Variants in ZNF558 observed in about 807,000 individuals in gnomAD.
The protein encoded by ZNF558 is zinc finger protein 558.
ZNF558 carries 23 observed loss-of-function variants against 37.6 expected under a neutral mutation model. The ratio of observed to expected loss-of-function variants is 0.61; its 90% CI spans 0.44 to 0.87. The LOEUF (loss-of-function observed/expected upper bound fraction) is 0.87, where lower values mean the gene tolerates loss of function less well. ZNF558 is among the 40% of genes least tolerant of loss of function. ZNF558 has a pLI of 0.00. For missense variants in ZNF558, 429 were observed against 483.7 expected (o/e 0.89, Z 1.06); for synonymous variants, 189 against 174.4 (o/e 1.08, Z -0.66).
chr19:8,823,458 A>AC (rs2044152413), intron 4 of ZNF558, among the ~76,000 whole-genome samples: 1 of 55,320 alleles, frequency 1.8e-5, no homozygotes, highest in Admixed American at 2.5e-4. Flanking sequence ...TGCCTCGGTC[A>AC]CCCCCCTCCT....
At chr19:8,821,566 G>T in intron 6 of ZNF558, 1 of 1,405,730 alleles carries the variant, frequency 7.1e-7, no homozygotes, top group Non-Finnish European at 9.2e-7. Context: ...CAGGTCCAGT[G>T]CACAGTACCA....
upstream of ZNF558, among the ~76,000 whole-genome samples, chr19:8,834,604 C>CAA (rs34714268): frequency 2.3e-5 from 2 of 88,532 alleles, no homozygotes; most frequent in Non-Finnish European, 4.5e-5. Context: ...GAGACTCCAT[C>CAA]AAAAAAAAAA....
intron 2 of ZNF558, among the ~76,000 whole-genome samples, chr19:8,829,154 C>T (rs1490367752): frequency 6.6e-6 from 1 of 151,298 alleles, no homozygotes; most frequent in South Asian, 2.1e-4. Flanking sequence ...CCCAGCTACT[C>T]AGGAGGCTGC....
At chr19:8,831,220 A>G (rs2972586) in intron 2 of ZNF558, 98 bp downstream of exon 2, 134,913 of 152,130 alleles carry the variant, frequency 0.89, 59,861 homozygotes, top group Middle Eastern at 0.94. Context: ...TAGTGACTTC[A>G]ATGTGGTTAC....
chr19:8,806,922 T>C lies in ZNF558; in HGVS notation c.*4359A>G, dbSNP rs562217954. Reference sequence around the variant, plus strand: ...TGCTGCTTTGAAAGCAATGTGTCCTTCTTCTTTGGTTGTTTGGTAGATTTG... The same window carrying C: ...TGCTGCTTTGAAAGCAATGTGTCCTCCTTCTTTGGTTGTTTGGTAGATTTG... On this transcript the variant is annotated 3_prime_UTR_variant, in exon 10 of 10. Transcript: ENST00000601372. 6 of 152,310 alleles carry C rather than the reference T, an allele frequency of 3.9e-5. No homozygotes were observed. The South Asian group carries it at 6.2e-4, about 16-fold the overall frequency. 9.4% of individuals were successfully genotyped at this position (152,310 alleles called of 1,614,324 possible). A position where few individuals can be genotyped will look rare whatever the true frequency, so the allele number is the denominator to read the frequency against.
rs1354473068 is a variant in ZNF558, at chr19:8,808,732, C to T, written c.*2549G>A. The T allele has an allele frequency of 1.3e-5, 2 of 152,122 alleles. No individual in the cohort carries two copies. The highest frequency in any genetic ancestry group is 3.8e-4 in the East Asian group (2 of 5,200). 9.4% of individuals were successfully genotyped at this position (152,122 alleles called of 1,614,324 possible). On this transcript the variant is annotated 3_prime_UTR_variant, in exon 10 of 10. Coordinates refer to ENST00000601372, the MANE Select transcript of ZNF558 (RefSeq NM_144693.3). ...AACAGAACACCACCTCAAAAACAAACAACAGATCATGTTGGCTTCAATCAG... is the reference window on the plus strand; with the variant it reads ...AACAGAACACCACCTCAAAAACAAATAACAGATCATGTTGGCTTCAATCAG...
At chr19:8,837,926 G>C in the ZNF558 span, among the ~76,000 whole-genome samples, 1 of 152,050 alleles carries the variant, frequency 6.6e-6, no homozygotes, top group Non-Finnish European at 1.5e-5. Flanking sequence ...ATACACAGGA[G>C]ACAGCAAGGC....
At chr19:8,835,439 A>G (rs545702836), upstream of ZNF558, among the ~76,000 whole-genome samples, 14 of 152,330 alleles carry the variant, frequency 9.2e-5, no homozygotes, top group Middle Eastern at 3.4e-3. Context: ...GCTCGGCCCC[A>G]TTAATCATTA....
At chr19:8,825,219 G>A (rs540983442) in intron 2 of ZNF558, 111 bp from the exon 3 acceptor site, 3 of 152,348 alleles carry the variant, frequency 2.0e-5, no homozygotes, top group South Asian at 2.1e-4. Context: ...TGAAAGACAC[G>A]TGTAAGATGA....
At chr19:8,837,525 T>A in the ZNF558 span, among the ~76,000 whole-genome samples, 1 of 152,158 alleles carries the variant, frequency 6.6e-6, no homozygotes, top group Admixed American at 6.6e-5. Context: ...CGACAACCAC[T>A]TAATGCCTGG....
rs2044379300 is a variant in ZNF558 at position 8,832,227 on chromosome 19, C to A, written c.-611G>T. On this transcript the variant is annotated 5_prime_UTR_variant, in exon 1 of 10. Coordinates refer to ENST00000601372, the MANE Select transcript of ZNF558 (RefSeq NM_144693.3). ...CGCTCACCGAGCCCGGCCCCTCCCG[C>A]GGGGCCAAAAGCGCCGACTCGCGGG... is the stretch of plus-strand genomic sequence containing the variant. 3.3e-5 allele frequency: 5 copies of A among 152,208 alleles called. No homozygotes were observed. Among genetic ancestry groups the A allele is most frequent in the African/African-American group, 1.2e-4 (5 of 41,464 alleles). The allele number at this position is 152,208 out of a possible 1,614,324, so 9.4% of individuals were successfully genotyped here.
At chr19:8,834,146 G>GA (rs1196219195), upstream of ZNF558, among the ~76,000 whole-genome samples, 1 of 152,120 alleles carries the variant, frequency 6.6e-6, no homozygotes, top group Non-Finnish European at 1.5e-5. Context: ...CGTCCTTTCA[G>GA]AAAAAAATAG....
At chr19:8,825,348 T>C (rs911487242) in intron 2 of ZNF558, among the ~76,000 whole-genome samples, 2 of 152,146 alleles carry the variant, frequency 1.3e-5, no homozygotes, top group African/African-American at 4.8e-5. Flanking sequence ...GTGATTGCGG[T>C]TTTTGCCATT....
At chr19:8,816,700 T>C (rs2043947735) in intron 7 of ZNF558, among the ~76,000 whole-genome samples, 1 of 152,166 alleles carries the variant, frequency 6.6e-6, no homozygotes, top group Non-Finnish European at 1.5e-5. Context: ...GAGAGTAACT[T>C]GAATCCACAG....
In ZNF558 at chr19:8,809,054, AAGGCGTGAGCCACCACACCC is replaced by A. The variant is rs1218538999; in HGVS notation, c.*2207_*2226del. The A allele has an allele frequency of 6.6e-6, 1 of 152,172 alleles. No homozygotes were observed. Among genetic ancestry groups the A allele is most frequent in the Non-Finnish European group, 1.5e-5 (1 of 68,100 alleles). The allele number at this position is 152,172 out of a possible 1,614,324, so 9.4% of individuals were successfully genotyped here. A position where few individuals can be genotyped will look rare whatever the true frequency, so the allele number is the denominator to read the frequency against. On this transcript the variant is annotated 3_prime_UTR_variant, in exon 10 of 10. Coordinates refer to ENST00000601372, the MANE Select transcript of ZNF558 (RefSeq NM_144693.3). ...CAGCCTCTCAAAAGTGCTGGGATTA[AAGGCGTGAGCCACCACACCC>A]AGCCTAGGGGTTTCTTTTAGTCACA...
chr19:8,813,996 C>G (rs1428765139), intron 7 of ZNF558, among the ~76,000 whole-genome samples: 4 of 152,208 alleles, frequency 2.6e-5, no homozygotes, highest in Non-Finnish European at 5.9e-5. Flanking sequence ...ATGACAGTGA[C>G]AGTGGTGGAG....
chr19:8,830,439 C>T (rs1417772827), intron 2 of ZNF558, among the ~76,000 whole-genome samples: 1 of 152,094 alleles, frequency 6.6e-6, no homozygotes, highest in Non-Finnish European at 1.5e-5. Context: ...TAATATTCTT[C>T]CAAATGTTTT....
chr19:8,811,305 C>T lies in ZNF558; in HGVS notation c.1185G>A (p.Lys395=), dbSNP rs1568460016. 2 of 1,594,864 alleles carry T rather than the reference C, an allele frequency of 1.3e-6. No individual in the cohort carries two copies. Among genetic ancestry groups the T allele is most frequent in the African/African-American group, 1.3e-5 (1 of 74,204 alleles). ...TTCATATCCATCTATTATGTATTCTCTTGTGCACAGAAAGATAGGAGTTAC... is the reference window on the plus strand; with the variant it reads ...TTCATATCCATCTATTATGTATTCTTTTGTGCACAGAAAGATAGGAGTTAC... ...FTSNSYLSVH[K]RIHNRWI Residue 395 remains lysine (K), a synonymous_variant, in exon 10 of 10, where the codon AAG becomes AAA. Transcript: ENST00000601372.
Position 8,811,834 on chromosome 19 carries a change from T to C in ZNF558, c.656A>G (p.Asp219Gly), listed in dbSNP as rs1555768227. 2 of 1,614,172 alleles carry C rather than the reference T, an allele frequency of 1.2e-6. No individual in the cohort carries two copies. The highest frequency in any genetic ancestry group is 3.3e-5 in the Admixed American group (2 of 60,014). ...CAAATGCAGTCTAAGGGATGAGGGA[T>C]CACTAAATGCTTTCCCACAGTGATT... ...ECNHCGKAFSDPSSLRLHLRI... is the reference protein window; with the variant it reads ...ECNHCGKAFSGPSSLRLHLRI... The change falls in exon 10 of 10, where the codon GAT becomes GGT. Residue 219 changes from aspartate (D) to glycine (G), a missense_variant. Transcript: ENST00000601372.
Sources: allele counts gnomAD v4.1 joint callset (sites outside exome capture counted in the v4.1 genomes callset), GRCh38; gene constraint gnomAD v4.1.1; transcripts MANE v1.5; gene names NCBI Gene and HGNC (gene_info 2026-07-23, HGNC 2026-07-21).